The following PANK4 variants were observed in gnomAD, a reference collection of about 807,000 sequenced individuals.
The protein encoded by PANK4 is 4'-phosphopantetheine phosphatase.
In PANK4, 40 loss-of-function variants were observed where a neutral mutation model predicts 87.9. That is an observed-to-expected ratio of 0.46 (90% confidence interval 0.35 to 0.59). PANK4 has a LOEUF of 0.59. PANK4 is among the 20% of genes least tolerant of loss of function. The pLI is 0.00. For synonymous variants in PANK4, 524 were observed against 467.4 expected (o/e 1.12, Z -1.56); for missense variants, 926 against 1,072.3 (o/e 0.86, Z 1.90).
rs1211140462 is a variant in PANK4, at chr1:2,510,650, G to C, written c.1938+28C>G. On this transcript the variant is annotated intron_variant, in intron 16 of 18. Coordinates refer to ENST00000378466, the MANE Select transcript of PANK4 (RefSeq NM_018216.4). The surrounding 1 kb of genome is among the most constrained non-coding windows in gnomAD (Gnocchi z 4.9). ...CCGAGAGCAGAGAAGCCCAGGGGAA[G>C]GGCCCCACCCACCACCTCAACACTC... 1.5e-6 allele frequency: 2 copies of C among 1,356,096 alleles called. No individual in the cohort carries two copies. The highest frequency in any genetic ancestry group is 1.2e-5 in the South Asian group (1 of 85,654). 84.0% of individuals were successfully genotyped at this position (1,356,096 alleles called of 1,614,324 possible). A position where few individuals can be genotyped will look rare whatever the true frequency, so the allele number is the denominator to read the frequency against.
In PANK4 at chr1:2,520,482, C is replaced by A. The variant is rs1216960976; in HGVS notation, c.607-68G>T. 9.3e-5 allele frequency: 103 copies of A among 1,105,270 alleles called. No homozygotes were observed. The South Asian group carries it at 1.0e-3, about 11-fold the overall frequency. 68.5% of individuals were successfully genotyped at this position (1,105,270 alleles called of 1,614,324 possible). On this transcript the variant is annotated intron_variant, in intron 4 of 18. Coordinates refer to ENST00000378466, the MANE Select transcript of PANK4 (RefSeq NM_018216.4). The surrounding 1 kb of genome is among the most constrained non-coding windows in gnomAD (Gnocchi z 6.2). Reference sequence around the variant, plus strand: ...GCCACACAGGCTCCCCCGCCCCCCGCCCCATGTGCTGCGCTGGGGTGAACC... The same window carrying A: ...GCCACACAGGCTCCCCCGCCCCCCGACCCATGTGCTGCGCTGGGGTGAACC...
rs1174494027 is a variant in PANK4, at chr1:2,520,873, A to T, written c.456T>A (p.Ile152=). 8.3e-6 allele frequency: 13 copies of T among 1,569,406 alleles called. No individual in the cohort carries two copies. The highest frequency in any genetic ancestry group is 1.1e-5 in the Non-Finnish European group (13 of 1,158,240). Residue 152 remains isoleucine, a synonymous_variant, in exon 4 of 19, where the codon ATT becomes ATA. Coordinates refer to ENST00000378466, the MANE Select transcript of PANK4 (RefSeq NM_018216.4). This position sits in a 1 kb window ranked among gnomAD's most constrained non-coding sequence, Gnocchi z 6.2. ...VDKEDVMTCL[I]KGCNFVLKNI... ...TCTTGAGCACGAAGTTGCACCCCTT[A>T]ATCAGGCACGTCATCACGTCCTCCT...
Position 2,511,685 on chromosome 1 carries a change from T to C in PANK4, c.1728-2A>G, listed in dbSNP as rs779565518. 2.5e-6 allele frequency: 4 copies of C among 1,595,444 alleles called. No individual in the cohort carries two copies. Among genetic ancestry groups the C allele is most frequent in the Non-Finnish European group, 1.7e-6 (2 of 1,163,466 alleles). ...AAGTAGGGGTCGGATTCAAGGACAC[T>C]GCATGGAGGAGGAGAAAAGAAAATT... On this transcript the variant is annotated splice_acceptor_variant, in intron 13 of 18. Coordinates refer to ENST00000378466, the MANE Select transcript of PANK4 (RefSeq NM_018216.4). LOFTEE classifies it high-confidence loss of function.
intron 12 of PANK4, 61 bp from the exon 13 acceptor site, chr1:2,513,100 C>A: frequency 2.6e-6 from 4 of 1,515,578 alleles, no homozygotes; most frequent in Non-Finnish European, 2.7e-6. Context: ...ACCCTGGACA[C>A]CTGCCAGGCG....
At chr1:2,521,564 C>T (rs143030713) in intron 2 of PANK4, 154 bp downstream of exon 2, 73 of 763,326 alleles carry the variant, frequency 9.6e-5, no homozygotes, top group Middle Eastern at 2.3e-4. Context: ...TGAAGGGACA[C>T]GGCGGAAGGC....
chr1:2,516,164 C>G (rs987051032), intron 9 of PANK4, among the ~76,000 whole-genome samples: 2 of 152,178 alleles, frequency 1.3e-5, no homozygotes, highest in East Asian at 3.9e-4. Flanking sequence ...TCCAGGTGGC[C>G]GTGTCTGCAC....
At position 2,515,446 on chromosome 1, in the gene PANK4, G is replaced by A. The variant is rs774434773; in HGVS notation, c.1374+116C>T. On this transcript the variant is annotated intron_variant, in intron 10 of 18. Coordinates refer to ENST00000378466, the MANE Select transcript of PANK4 (RefSeq NM_018216.4). The surrounding 1 kb of genome is among the most constrained non-coding windows in gnomAD (Gnocchi z 5.0). The stretch of plus-strand genomic sequence containing the variant: ...CCCTCACTCAGACGCAGATCAAGGG[G>A]TTTCTGGACAACACTGGCCTGTCCC... 1 of 1,184,028 alleles carries A rather than the reference G, an allele frequency of 8.4e-7. No homozygotes were observed. Among genetic ancestry groups the A allele is most frequent in the Admixed American group, 1.7e-5 (1 of 57,440 alleles). The allele number at this position is 1,184,028 out of a possible 1,614,324, so 73.3% of individuals were successfully genotyped here.
At chr1:2,526,434 GCCCGCGC>G in intron 1 of PANK4, 23 bp downstream of exon 1, 4 of 1,255,186 alleles carry the variant, frequency 3.2e-6, no homozygotes, top group Non-Finnish European at 4.1e-6. Context: ...CGCCCCCGCA[GCCCGCGC>G]CCGGCGCCCG....
Position 2,519,699 on chromosome 1 carries a change from G to C in PANK4, c.853+102C>G. On this transcript the variant is annotated intron_variant, in intron 6 of 18. Transcript: ENST00000378466. This position sits in a 1 kb window ranked among gnomAD's most constrained non-coding sequence, Gnocchi z 8.3. ...TGACACCCAAGACCCCGACTCTCCA[G>C]GGAGCAGTTGTGGGAAAGCAATGGT... The C allele has an allele frequency of 8.1e-7, 1 of 1,240,658 alleles. No individual in the cohort carries two copies. The highest frequency in any genetic ancestry group is 1.1e-6 in the Non-Finnish European group (1 of 912,370). 76.9% of individuals were successfully genotyped at this position (1,240,658 alleles called of 1,614,324 possible). A position where few individuals can be genotyped will look rare whatever the true frequency, so the allele number is the denominator to read the frequency against.
rs1209627355 is a variant in PANK4 at position 2,512,957 on chromosome 1, C to T, written c.1658G>A (p.Arg553Gln). The T allele has an allele frequency of 1.2e-6, 2 of 1,612,586 alleles. No homozygotes were observed. The highest frequency in any genetic ancestry group is 1.7e-5 in the Admixed American group (1 of 59,992). ...RSLDALGWEE[R>Q]QLALVKGLLA... ...GAGGCCTTTCACCAGCGCCAGCTGC[C>T]GTTCCTCCCAGCCCAGCGCGTCCAG... is the stretch of plus-strand genomic sequence containing the variant. Residue 553 changes from arginine to glutamine, a missense_variant, in exon 13 of 19, where the codon CGG (arginine) becomes CAG (glutamine). Arg to Gln is a conservative substitution (Grantham distance 43, BLOSUM62 1). Coordinates refer to ENST00000378466, the MANE Select transcript of PANK4 (RefSeq NM_018216.4).
rs775624513 is a variant in PANK4 at position 2,520,435 on chromosome 1, G to A, written c.607-21C>T. On this transcript the variant is annotated intron_variant, in intron 4 of 18. Transcript: ENST00000378466. This position sits in a 1 kb window ranked among gnomAD's most constrained non-coding sequence, Gnocchi z 6.2. ...TCCACCTGCAACAGAGCCAGGGCAG[G>A]TGTGCCCTCAGTGGGCCCTCAGCCA... 6.2e-7 allele frequency: 1 copy of A among 1,604,366 alleles called. No individual in the cohort carries two copies.
At chr1:2,517,755 G>A (rs1479870553) in intron 9 of PANK4, among the ~76,000 whole-genome samples, 1 of 152,270 alleles carries the variant, frequency 6.6e-6, no homozygotes, top group Non-Finnish European at 1.5e-5. Context: ...CAGCCACAGT[G>A]CGCGGCAGTG....
At chr1:2,516,745 G>T (rs1458274937) in intron 9 of PANK4, among the ~76,000 whole-genome samples, 1 of 152,250 alleles carries the variant, frequency 6.6e-6, no homozygotes, top group African/African-American at 2.4e-5. Flanking sequence ...CCCAAAGCCA[G>T]TGCAGAAGGC....
intron 1 of PANK4, among the ~76,000 whole-genome samples, chr1:2,525,194 G>A (rs1643909818): frequency 6.6e-6 from 1 of 152,156 alleles, no homozygotes; most frequent in African/African-American, 2.4e-5. Flanking sequence ...CAGCAAACAT[G>A]TCAGATGCAC....
rs201135356 is a variant in PANK4, at chr1:2,513,986, G to A, written c.1575+16C>T. 10 of 1,583,234 alleles carry A rather than the reference G, an allele frequency of 6.3e-6. No individual in the cohort carries two copies. The highest frequency in any genetic ancestry group is 8.7e-6 in the Non-Finnish European group (10 of 1,152,952). On this transcript the variant is annotated intron_variant, in intron 12 of 18. Coordinates refer to ENST00000378466, the MANE Select transcript of PANK4 (RefSeq NM_018216.4). ...GGGACAAGAGCGAGCGGAAGGCCAG[G>A]GCACACTGCACTTACTTTGGAGTAG...
chr1:2,508,896 C>T lies in PANK4; in HGVS notation c.2273G>A (p.Gly758Asp), dbSNP rs770300235. 3 of 1,608,956 alleles carry T rather than the reference C, an allele frequency of 1.9e-6. No homozygotes were observed. The highest frequency in any genetic ancestry group is 2.7e-5 in the African/African-American group (2 of 74,810). ...GAAGATGACGCTGAAGAGCCGGCCG[C>T]CCAGCCGCTCGGCCAGCCACGCGTT... ...IKNAWLAERL[G>D]GRLFSVIFKY... The change falls in exon 19 of 19, where the codon GGC (glycine) becomes GAC (aspartate). Residue 758 changes from glycine to aspartate, a missense_variant. By Grantham distance (94) the Gly-to-Asp change is moderately conservative. Coordinates refer to ENST00000378466, the MANE Select transcript of PANK4 (RefSeq NM_018216.4). The surrounding 1 kb of genome is among the most constrained non-coding windows in gnomAD (Gnocchi z 5.1).
At chr1:2,517,544 A>G (rs568101492) in intron 9 of PANK4, among the ~76,000 whole-genome samples, 2 of 152,302 alleles carry the variant, frequency 1.3e-5, no homozygotes, top group South Asian at 4.2e-4. Context: ...GGTTCCTGCC[A>G]TGTGGGGCTG....
rs750810615 is a variant in PANK4 at position 2,508,987 on chromosome 1, G to A, written c.2182C>T (p.Arg728Cys). The change falls in exon 19 of 19, where the codon CGT becomes TGT. Residue 728 changes from arginine to cysteine, a missense_variant. Arg to Cys is a radical substitution (Grantham distance 180, BLOSUM62 -3). Transcript: ENST00000378466. This position sits in a 1 kb window ranked among gnomAD's most constrained non-coding sequence, Gnocchi z 5.1. ...ADLVVIEGMG[R>C]AVHTNYHAAL... ...GCGTGGTAGTTTGTGTGGACAGCAC[G>A]GCCCATGCCCTCGATGACCACCAGA... is the stretch of plus-strand genomic sequence containing the variant. The A allele has an allele frequency of 1.9e-6, 3 of 1,608,684 alleles. No homozygotes were observed. Among genetic ancestry groups the A allele is most frequent in the Non-Finnish European group, 2.5e-6 (3 of 1,179,402 alleles).
At position 2,520,341 on chromosome 1, in the gene PANK4, G is replaced by C; in HGVS notation, c.680C>G (p.Ala227Gly). 1 of 1,612,910 alleles carries C rather than the reference G, an allele frequency of 6.2e-7. No homozygotes were observed. The highest frequency in any genetic ancestry group is 8.5e-7 in the Non-Finnish European group (1 of 1,179,938). Residue 227 changes from alanine to glycine, a missense_variant, in exon 5 of 19, where the codon GCT becomes GGT. Transcript: ENST00000378466. This position sits in a 1 kb window ranked among gnomAD's most constrained non-coding sequence, Gnocchi z 6.2. ...GCATACCTTCGTTTTGGTGAGCAGA[G>C]CGCCAAGCCCCCAGAAGGTGCCGCC... The part of the protein sequence containing the change: ...IGGGTFWGLG[A>G]LLTKTKKFDE...
Sources: allele counts gnomAD v4.1 joint callset (sites outside exome capture counted in the v4.1 genomes callset), GRCh38; gene constraint gnomAD v4.1.1; non-coding constraint Gnocchi (gnomAD v3.1); transcripts MANE v1.5; gene names NCBI Gene and HGNC (gene_info 2026-07-23, HGNC 2026-07-21).